The following CDH2 variants were observed in gnomAD, a reference collection of about 807,000 sequenced individuals.
CDH2 encodes cadherin-2.
In CDH2, 17 loss-of-function variants were observed where a neutral mutation model predicts 92.0. The observed-to-expected ratio is 0.18, with a 90% CI of 0.13 to 0.28. The LOEUF (loss-of-function observed/expected upper bound fraction) is 0.28, where lower values mean the gene tolerates loss of function less well. CDH2 is among the 10% of genes least tolerant of loss of function. CDH2 has a pLI of 1.00. For synonymous variants in CDH2, 419 were observed against 415.9 expected (o/e 1.01, Z -0.09); for missense variants, 862 against 1,133.1 (o/e 0.76, Z 3.44).
chr18:28,123,328 T>C (rs1047729827), intron 2 of CDH2, among the ~76,000 whole-genome samples: 2 of 152,156 alleles, frequency 1.3e-5, no homozygotes, highest in Admixed American at 1.3e-4. Flanking sequence ...GATCCATGTA[T>C]TTTTGATAAG....
intron 2 of CDH2, among the ~76,000 whole-genome samples, chr18:28,075,199 G>T (rs569459168): frequency 6.6e-6 from 1 of 152,290 alleles, no homozygotes; most frequent in South Asian, 2.1e-4. Context: ...TGGGAAGAAA[G>T]CACATAAAGT....
intron 15 of CDH2, among the ~76,000 whole-genome samples, chr18:27,954,296 C>T (rs1254185489): frequency 6.6e-6 from 1 of 152,168 alleles, no homozygotes; most frequent in Non-Finnish European, 1.5e-5. Context: ...GTGTTACTGC[C>T]CTCAGTGATT....
chr18:28,137,226 G>A (rs1049280131), intron 2 of CDH2, among the ~76,000 whole-genome samples: 1 of 152,136 alleles, frequency 6.6e-6, no homozygotes, highest in Non-Finnish European at 1.5e-5. Context: ...TCAGGGAGGA[G>A]CAGCAGAGAC....
chr18:28,131,683 G>GTTGT (rs374374605), intron 2 of CDH2, among the ~76,000 whole-genome samples: 9,777 of 150,260 alleles, frequency 0.065, 836 homozygotes, highest in African/African-American at 0.2. Flanking sequence ...AAGCATTTGT[G>GTTGT]GTGTGTGTGT....
At chr18:28,119,451 C>T (rs933146674) in intron 2 of CDH2, among the ~76,000 whole-genome samples, 1 of 152,050 alleles carries the variant, frequency 6.6e-6, no homozygotes, top group African/African-American at 2.4e-5. Context: ...CATCTACATA[C>T]AATCAGATCC....
chr18:27,957,133 C>CCCATCCATACATCCAT (rs1555627675), intron 15 of CDH2, among the ~76,000 whole-genome samples: 1 of 151,354 alleles, frequency 6.6e-6, no homozygotes, highest in Non-Finnish European at 1.5e-5. Context: ...ATCCATCCAT[C>CCCATCCATACATCCAT]CCATCCATCC....
At chr18:28,015,013 G>A (rs2013204037) in intron 2 of CDH2, among the ~76,000 whole-genome samples, 1 of 152,024 alleles carries the variant, frequency 6.6e-6, no homozygotes, top group African/African-American at 2.4e-5. Flanking sequence ...AATTACATAG[G>A]ATACTCTTTG....
chr18:27,952,319 T>C lies in CDH2; in HGVS notation c.2555A>G (p.Tyr852Cys). The C allele has an allele frequency of 1.9e-6, 3 of 1,613,542 alleles. No individual in the cohort carries two copies. Among genetic ancestry groups the C allele is most frequent in the Non-Finnish European group, 8.5e-7 (1 of 1,179,676 alleles). Residue 852 changes from tyrosine (Y) to cysteine (C), a missense_variant, in exon 16 of 16, where the codon TAT becomes TGT. This residue lies in a region of CDH2 where 114 missense variants were observed against 144.8 expected (regional missense o/e 0.79). Transcript: ENST00000269141. Reference protein sequence around the residue: ...AADNDPTAPPYDSLLVFDYEG... With the variant: ...AADNDPTAPPCDSLLVFDYEG... Reference sequence around the variant, plus strand: ...ATAGTCAAACACTAACAGGGAGTCATATGGTGGAGCTGTGGGGTCATTGTC... The same window carrying C: ...ATAGTCAAACACTAACAGGGAGTCACATGGTGGAGCTGTGGGGTCATTGTC...
At chr18:28,168,392 A>G (rs561474581) in intron 1 of CDH2, among the ~76,000 whole-genome samples, 1 of 152,240 alleles carries the variant, frequency 6.6e-6, no homozygotes, top group East Asian at 1.9e-4. Flanking sequence ...AAGTAATGCA[A>G]AGTGTTCAAA....
In CDH2 at chr18:28,177,030, G is replaced by T; in HGVS notation, c.-8C>A. 1 of 1,487,702 alleles carries T rather than the reference G, an allele frequency of 6.7e-7. No homozygotes were observed. The highest frequency in any genetic ancestry group is 1.4e-5 in the African/African-American group (1 of 69,384). The allele number at this position is 1,487,702 out of a possible 1,614,324, so 92.2% of individuals were successfully genotyped here. On this transcript the variant is annotated 5_prime_UTR_variant, in exon 1 of 16. Coordinates refer to ENST00000269141, the MANE Select transcript of CDH2 (RefSeq NM_001792.5). ...TCCCGCTATCCGGCACATGGAGGCG[G>T]AGAGGGGCCGAGCGAAGAGCCGGAG...
In CDH2 at chr18:28,049,073, A is replaced by C. The variant is rs186933447; in HGVS notation, c.173-35164T>G. ...CCAGTTATTGTACATTTGGAGGAAT[A>C]CACAGTGATTTTATTTTTTAAAGAT... On this transcript the variant is annotated intron_variant, in intron 2 of 15. Transcript: ENST00000269141. Among the ~76,000 whole-genome samples, 306 of 152,226 alleles carry C rather than the reference A, an allele frequency of 2.0e-3. 1 individual carries two copies. The highest frequency in any genetic ancestry group is 3.5e-3 in the Non-Finnish European group (240 of 68,018).
intron 10 of CDH2, among the ~76,000 whole-genome samples, chr18:27,988,947 T>C (rs1319479115): frequency 6.6e-6 from 1 of 152,214 alleles, no homozygotes; most frequent in Non-Finnish European, 1.5e-5. Flanking sequence ...TGGAAAGTTA[T>C]CATTTTAGGT....
At chr18:28,117,877 C>A (rs1330432598) in intron 2 of CDH2, among the ~76,000 whole-genome samples, 1 of 152,062 alleles carries the variant, frequency 6.6e-6, no homozygotes, top group Non-Finnish European at 1.5e-5. Flanking sequence ...TAGACTATTA[C>A]TCTTTCTAGT....
intron 1 of CDH2, among the ~76,000 whole-genome samples, chr18:28,161,827 C>G (rs1185731908): frequency 6.6e-5 from 10 of 152,128 alleles, no homozygotes; most frequent in Admixed American, 6.5e-4. Flanking sequence ...ACATTCTTGA[C>G]CTTTGGCCAA....
intron 2 of CDH2, among the ~76,000 whole-genome samples, chr18:28,106,128 T>C (rs1331906180): frequency 6.6e-6 from 1 of 152,210 alleles, no homozygotes; most frequent in Non-Finnish European, 1.5e-5. Flanking sequence ...AAGAAAGTGT[T>C]ATATCTGGCC....
chr18:28,037,859 A>G (rs879620753), intron 2 of CDH2, among the ~76,000 whole-genome samples: 2 of 152,164 alleles, frequency 1.3e-5, no homozygotes, highest in Admixed American at 1.3e-4. Flanking sequence ...TTGAACATGA[A>G]CTAGAGATCT....
chr18:27,992,385 C>T (rs370719653), intron 9 of CDH2, among the ~76,000 whole-genome samples: 7 of 147,862 alleles, frequency 4.7e-5, no homozygotes, highest in African/African-American at 1.3e-4. Flanking sequence ...TCACTCAAAA[C>T]TCTCATTCAA....
intron 2 of CDH2, among the ~76,000 whole-genome samples, chr18:28,075,433 C>A (rs2014701066): frequency 6.6e-6 from 1 of 152,112 alleles, no homozygotes; most frequent in Admixed American, 6.6e-5. Flanking sequence ...ATTCCAGAGG[C>A]TTAAGAGTGC....
chr18:27,959,397 C>T (rs1246658885), intron 15 of CDH2: 1 of 152,224 alleles, frequency 6.6e-6, no homozygotes, highest in African/African-American at 2.4e-5. Context: ...ATAATCACCA[C>T]TATATTATTC....
Sources: gnomAD v4.1 joint callset for allele counts (sites outside exome capture counted in the v4.1 genomes callset) on GRCh38, gnomAD v4.1.1 for gene constraint, gnomAD v4.1.1 regional missense constraint, MANE v1.5 for transcripts, NCBI Gene and HGNC (gene_info 2026-07-23, HGNC 2026-07-21) for gene names.